The following CLASRP variants were observed in gnomAD, a reference collection of about 807,000 sequenced individuals.
CLASRP encodes CLK4-associating serine/arginine rich protein.
In CLASRP, 52 loss-of-function variants were observed where a neutral mutation model predicts 99.9. The ratio of observed to expected loss-of-function variants is 0.52; its 90% confidence interval spans 0.42 to 0.66. The LOEUF (loss-of-function observed/expected upper bound fraction) is 0.66. Among genes scored for constraint, CLASRP ranks in the 30% least tolerant of loss-of-function variants. CLASRP has a pLI of 0.00. For missense variants in CLASRP, 848 were observed against 999.2 expected (o/e 0.85, Z 2.04); for synonymous variants, 379 against 373.0 (o/e 1.02, Z -0.18).
intron 13 of CLASRP, among the ~76,000 whole-genome samples, chr19:45,065,024 C>A (rs989275797): frequency 6.6e-6 from 1 of 151,304 alleles, no homozygotes; most frequent in Non-Finnish European, 1.5e-5. Context: ...GCTGGGAAAC[C>A]CCTTGCGGAG....
chr19:45,069,193 C>T lies in CLASRP; in HGVS notation c.1828-9C>T, dbSNP rs1215449421. 1.2e-6 allele frequency: 2 copies of T among 1,614,092 alleles called. No homozygotes were observed. The highest frequency in any genetic ancestry group is 2.2e-5 in the South Asian group (2 of 91,086). ...CCTGGCCACGTCCTCATAGCCCTGT[C>T]TGCTGCAGGAGCGGGAAGACGAGCT... On this transcript the variant is annotated splice_polypyrimidine_tract_variant and intron_variant, in intron 17 of 20. Transcript: ENST00000221455.
At position 45,052,805 on chromosome 19, in the gene CLASRP, G is replaced by A. The variant is rs542024153; in HGVS notation, c.212G>A (p.Gly71Glu). The A allele has an allele frequency of 1.2e-6, 2 of 1,612,464 alleles. No homozygotes were observed. Among genetic ancestry groups the A allele is most frequent in the South Asian group, 1.1e-5 (1 of 90,970 alleles). ...ESPVNMMPWQ[G>E]DTNNMIDRFD... ...TCCCACTTCAGGATGCCCTGGCAGGGGGACACCAACAACATGATTGACCGA... is the reference window on the plus strand; with the variant it reads ...TCCCACTTCAGGATGCCCTGGCAGGAGGACACCAACAACATGATTGACCGA... The change falls in exon 4 of 21, where the codon GGG becomes GAG. Residue 71 changes from glycine to glutamate, a missense_variant. By Grantham distance (98) the Gly-to-Glu change is moderately conservative. Coordinates refer to ENST00000221455, the MANE Select transcript of CLASRP (RefSeq NM_007056.3).
At position 45,069,143 on chromosome 19, in the gene CLASRP, G is replaced by A. The variant is rs375079884; in HGVS notation, c.1827+19G>A. On this transcript the variant is annotated intron_variant, in intron 17 of 20. Coordinates refer to ENST00000221455, the MANE Select transcript of CLASRP (RefSeq NM_007056.3). ...GCGGCAGGTGAAGTGGGAAAGGGAG[G>A]GCTGGGGTGACGGGTGGGTGCTGGC... is the stretch of plus-strand genomic sequence containing the variant. 8.7e-6 allele frequency: 14 copies of A among 1,614,030 alleles called. No individual in the cohort carries two copies. Among genetic ancestry groups the A allele is most frequent in the Non-Finnish European group, 1.2e-5 (14 of 1,179,998 alleles).
chr19:45,057,635 C>T, intron 6 of CLASRP, 115 bp from the exon 7 acceptor site: 1 of 1,234,796 alleles, frequency 8.1e-7, no homozygotes, highest in Non-Finnish European at 1.2e-6. Flanking sequence ...GGGTCCTAGG[C>T]TGAGGGAGAG....
chr19:45,052,051 AG>A lies in CLASRP; in HGVS notation c.100-19del. The A allele has an allele frequency of 6.2e-7, 1 of 1,607,654 alleles. No individual in the cohort carries two copies. Among genetic ancestry groups the A allele is most frequent in the Non-Finnish European group, 8.5e-7 (1 of 1,174,854 alleles). Reference sequence around the variant, plus strand: ...TGGAGCTCTGTTGGGTGGTGACCTCAGTCCTGTTTACCCCTGCAGAAGAAGG... The same window carrying A: ...TGGAGCTCTGTTGGGTGGTGACCTCATCCTGTTTACCCCTGCAGAAGAAGG... On this transcript the variant is annotated intron_variant, in intron 2 of 20. Coordinates refer to ENST00000221455, the MANE Select transcript of CLASRP (RefSeq NM_007056.3).
chr19:45,060,405 A>T lies in CLASRP; in HGVS notation c.727A>T (p.Lys243Ter). 1 of 1,614,036 alleles carries T rather than the reference A, an allele frequency of 6.2e-7. No homozygotes were observed. The highest frequency in any genetic ancestry group is 8.5e-7 in the Non-Finnish European group (1 of 1,179,942). ...GDFVRMLRKD[K>*]EEAEAIKHAK... Reference sequence around the variant, plus strand: ...CCTCTATAGGATGCTCCGGAAAGACAAGGAGGAGGCAGAGGCCATCAAGCA... The same window carrying T: ...CCTCTATAGGATGCTCCGGAAAGACTAGGAGGAGGCAGAGGCCATCAAGCA... The change falls in exon 9 of 21, where the codon AAG becomes TAG. Residue 243 changes from lysine to a stop codon, truncating the protein, a stop_gained. Transcript: ENST00000221455. LOFTEE classifies it high-confidence loss of function. This position sits in a 1 kb window ranked among gnomAD's most constrained non-coding sequence, Gnocchi z 4.6.
intron 6 of CLASRP, among the ~76,000 whole-genome samples, chr19:45,057,060 G>A (rs1249403941): frequency 2.0e-5 from 3 of 152,206 alleles, no homozygotes; most frequent in Non-Finnish European, 2.9e-5. Flanking sequence ...AGCTGCCTCT[G>A]AGGAGCAGTG....
intron 8 of CLASRP, among the ~76,000 whole-genome samples, chr19:45,059,703 T>A (rs1353191503): frequency 6.6e-6 from 1 of 152,144 alleles, no homozygotes; most frequent in African/African-American, 2.4e-5. Context: ...TTGCTGGTTG[T>A]ACCTCTACCC....
chr19:45,069,376 G>T, intron 18 of CLASRP, 128 bp downstream of exon 18: 2 of 918,404 alleles, frequency 2.2e-6, no homozygotes, highest in Non-Finnish European at 3.4e-6. Context: ...TCCCTGCCTG[G>T]CCCTCGGGGC....
chr19:45,039,992 A>G (rs568301128), intron 1 of CLASRP, 192 bp from the exon 2 acceptor site: 5 of 432,226 alleles, frequency 1.2e-5, no homozygotes, highest in Admixed American at 3.5e-5. Context: ...AGAATGCCCA[A>G]GCTTCTAGAT....
In CLASRP at chr19:45,067,701, G is replaced by T; in HGVS notation, c.1667+107G>T. 3 of 1,108,736 alleles carry T rather than the reference G, an allele frequency of 2.7e-6. No homozygotes were observed. The highest frequency in any genetic ancestry group is 4.9e-5 in the Admixed American group (2 of 41,176). The allele number at this position is 1,108,736 out of a possible 1,614,324, so 68.7% of individuals were successfully genotyped here. Reference sequence around the variant, plus strand: ...ACTTAGCCCTACCCTGGGAGGTCTGGGGGGTGGTGTATGGCCCTGGCCTGG... The same window carrying T: ...ACTTAGCCCTACCCTGGGAGGTCTGTGGGGTGGTGTATGGCCCTGGCCTGG... On this transcript the variant is annotated intron_variant, in intron 14 of 20. Coordinates refer to ENST00000221455, the MANE Select transcript of CLASRP (RefSeq NM_007056.3). This position sits in a 1 kb window ranked among gnomAD's most constrained non-coding sequence, Gnocchi z 4.9.
At position 45,068,914 on chromosome 19, in the gene CLASRP, C is replaced by CCGG. The variant is rs1967163545; in HGVS notation, c.1769-152_1769-151insCGG. The CCGG allele has an allele frequency of 3.2e-5, 23 of 719,048 alleles. No homozygotes were observed. The South Asian group carries it at 3.7e-4, about 11-fold the overall frequency. 44.5% of individuals were successfully genotyped at this position (719,048 alleles called of 1,614,324 possible). On this transcript the variant is annotated intron_variant, in intron 16 of 20. Transcript: ENST00000221455. ...GCTGAGGCAGGAGATGGCGCGAACC[C>CCGG]GGGGGGCGGAGCCTGCAGTGAGCCA... is the stretch of plus-strand genomic sequence containing the variant.
chr19:45,052,015 G>A (rs559938911), intron 2 of CLASRP, 56 bp from the exon 3 acceptor site: 2 of 1,361,366 alleles, frequency 1.5e-6, no homozygotes, highest in African/African-American at 2.9e-5. Context: ...TGTGTGTGAG[G>A]GGGTGGGGTT....
chr19:45,041,263 G>A (rs566594987), intron 2 of CLASRP, among the ~76,000 whole-genome samples: 3 of 150,606 alleles, frequency 2.0e-5, no homozygotes, highest in South Asian at 4.2e-4. Context: ...CAAAAAAAAA[G>A]GAGTGAATAT....
intron 2 of CLASRP, among the ~76,000 whole-genome samples, chr19:45,045,877 G>C (rs112481437): frequency 6.6e-6 from 1 of 152,168 alleles, no homozygotes; most frequent in East Asian, 1.9e-4. Flanking sequence ...CAGGTGGAGG[G>C]ATGGTGCAGA....
intron 2 of CLASRP, among the ~76,000 whole-genome samples, chr19:45,041,025 G>A (rs558935850): frequency 6.0e-5 from 9 of 150,888 alleles, no homozygotes; most frequent in South Asian, 4.2e-4. Flanking sequence ...GATCGAGACC[G>A]TCCTGGCTAA....
At chr19:45,068,169 A>T (rs1967136937) in intron 15 of CLASRP, 115 bp downstream of exon 15, 5 of 906,792 alleles carry the variant, frequency 5.5e-6, no homozygotes, top group Non-Finnish European at 9.0e-6. Context: ...AGCCCCAGGG[A>T]CAGGGAGGGG....
At chr19:45,050,084 T>C (rs2094135771) in intron 2 of CLASRP, among the ~76,000 whole-genome samples, 1 of 151,680 alleles carries the variant, frequency 6.6e-6, no homozygotes, top group South Asian at 2.1e-4. Flanking sequence ...GCACGGGGCA[T>C]GTCTGGAATG....
chr19:45,042,499 C>CAA (rs949144856), intron 2 of CLASRP, among the ~76,000 whole-genome samples: 1 of 144,322 alleles, frequency 6.9e-6, no homozygotes, highest in Non-Finnish European at 1.5e-5. Context: ...GACTCCATCT[C>CAA]AAAAAAAAAA....
Sources: allele counts gnomAD v4.1 joint callset (sites outside exome capture counted in the v4.1 genomes callset), GRCh38; gene constraint gnomAD v4.1.1; non-coding constraint Gnocchi (gnomAD v3.1); transcripts MANE v1.5; gene names NCBI Gene and HGNC (gene_info 2026-07-23, HGNC 2026-07-21).